Variants in UPP2 observed in about 807,000 individuals in gnomAD.
UPP2 encodes the protein uridine phosphorylase 2, also known as UPase 2.
Under a neutral mutation model 26.7 loss-of-function variants are expected in UPP2, and 23 were observed. That is an observed-to-expected ratio of 0.86 (90% CI 0.62 to 1.22). The LOEUF is 1.22. Ranked by LOEUF, UPP2 falls within the 50% of genes most tolerant of loss-of-function variation. UPP2 has a pLI of 0.00. For missense variants in UPP2, 387 were observed against 396.7 expected (o/e 0.98, Z 0.21); for synonymous variants, 127 against 141.3 (o/e 0.90, Z 0.72).
chr2:158,042,103 C>G (rs1406326479), intron 3 of UPP2, among the ~76,000 whole-genome samples: 2 of 152,168 alleles, frequency 1.3e-5, no homozygotes, highest in East Asian at 1.9e-4. Flanking sequence ...GACCAGGGGC[C>G]AGGTCCAGGA....
chr2:158,097,015 G>T (rs780481758), upstream of UPP2, among the ~76,000 whole-genome samples: 1 of 151,830 alleles, frequency 6.6e-6, no homozygotes, highest in Non-Finnish European at 1.5e-5. Flanking sequence ...TGGTAGAAAA[G>T]AACATGTTAA....
At chr2:158,023,768 T>C (rs538336559) in intron 3 of UPP2, among the ~76,000 whole-genome samples, 92 of 152,134 alleles carry the variant, frequency 6.0e-4, no homozygotes, top group African/African-American at 2.0e-3. Context: ...GCAGCCACTC[T>C]TCTGGTGGCC....
At chr2:158,053,165 G>C (rs1682187296) in intron 3 of UPP2, among the ~76,000 whole-genome samples, 1 of 152,198 alleles carries the variant, frequency 6.6e-6, no homozygotes, top group South Asian at 2.1e-4. Flanking sequence ...TGTCAACTGT[G>C]TGTGGTGAAT....
intron 3 of UPP2, among the ~76,000 whole-genome samples, chr2:158,017,699 G>A (rs1683682310): frequency 6.6e-6 from 1 of 152,214 alleles, no homozygotes; most frequent in Non-Finnish European, 1.5e-5. Flanking sequence ...GTAAGCTGAT[G>A]TGGGCCTGTG....
intron 4 of UPP2, 64 bp from the exon 5 acceptor site, chr2:158,121,345 T>C: frequency 3.5e-6 from 5 of 1,419,636 alleles, no homozygotes; most frequent in South Asian, 3.5e-5. Flanking sequence ...ATAAGTTACA[T>C]ACTATGTGTC....
In UPP2 at chr2:158,015,693, C is replaced by T; in HGVS notation, c.62-108C>T. 3 of 419,554 alleles carry T rather than the reference C, an allele frequency of 7.2e-6. No homozygotes were observed. In the Admixed American group the frequency reaches 7.4e-5, roughly 10 times the overall value. The allele number at this position is 419,554 out of a possible 1,614,324, so 26.0% of individuals were successfully genotyped here. On this transcript the variant is annotated intron_variant, in intron 2 of 9. Transcript: ENST00000605860. ...TGACTGAATCATGGGGCAGACTTCC[C>T]CCTTGCTGTTCTTGTGATAGTGAGC...
intron 3 of UPP2, among the ~76,000 whole-genome samples, chr2:158,048,174 C>T (rs1002072602): frequency 1.3e-5 from 2 of 152,200 alleles, no homozygotes; most frequent in African/African-American, 2.4e-5. Flanking sequence ...CAAGAACTCT[C>T]CTCATGGATT....
At chr2:158,033,749 G>T (rs192393260) in intron 3 of UPP2, among the ~76,000 whole-genome samples, 60 of 152,260 alleles carry the variant, frequency 3.9e-4, no homozygotes, top group Admixed American at 8.5e-4. Flanking sequence ...CCTATCCTCA[G>T]GTTTAAAATG....
At chr2:158,119,722 A>C (rs980159516) in intron 4 of UPP2, among the ~76,000 whole-genome samples, 1 of 152,018 alleles carries the variant, frequency 6.6e-6, no homozygotes, top group Non-Finnish European at 1.5e-5. Context: ...TTGTTTAAAA[A>C]CTATCTGGCC....
At chr2:158,121,261 A>G (rs1181146635) in intron 4 of UPP2, 148 bp from the exon 5 acceptor site, 3 of 727,194 alleles carry the variant, frequency 4.1e-6, no homozygotes, top group African/African-American at 3.5e-5. Flanking sequence ...ATGTTATTTA[A>G]TTGCATTTGG....
chr2:158,135,650 C>G lies in UPP2; in HGVS notation c.*760C>G, dbSNP rs1474542182. ...TTTTTTATTCCATTTCAATATTAAC[C>G]AAATAGGCTGAGAAATTCATAGCAA... On this transcript the variant is annotated 3_prime_UTR_variant, in exon 7 of 7. Transcript: ENST00000005756. 1 of 152,068 alleles carries G rather than the reference C, an allele frequency of 6.6e-6. No homozygotes were observed. The highest frequency in any genetic ancestry group is 1.5e-5 in the Non-Finnish European group (1 of 68,008). 9.4% of individuals were successfully genotyped at this position (152,068 alleles called of 1,614,324 possible).
intron 4 of UPP2, 111 bp downstream of exon 4, chr2:158,118,049 A>T (rs1480599971): frequency 3.7e-5 from 31 of 848,940 alleles, no homozygotes; most frequent in South Asian, 8.3e-5. Flanking sequence ...TGGGCTAAAA[A>T]GTGTCAGAAG....
chr2:158,086,337 A>G (rs1353435158), intron 3 of UPP2, among the ~76,000 whole-genome samples: 1 of 152,056 alleles, frequency 6.6e-6, no homozygotes, highest in African/African-American at 2.4e-5. Flanking sequence ...TGGTTGTAGT[A>G]TCTCCCATTT....
chr2:158,071,989 T>C (rs143940012), intron 3 of UPP2, among the ~76,000 whole-genome samples: 24 of 152,246 alleles, frequency 1.6e-4, no homozygotes, highest in African/African-American at 5.8e-4. Context: ...TAGGTACGTA[T>C]TTGGCTACAG....
chr2:158,020,430 C>T (rs1683731408), intron 3 of UPP2, among the ~76,000 whole-genome samples: 1 of 152,220 alleles, frequency 6.6e-6, no homozygotes, highest in Non-Finnish European at 1.5e-5. Context: ...CTCCATTTCC[C>T]CTCAAGTCCA....
chr2:158,005,765 G>A (rs1320103091), intron 2 of UPP2, among the ~76,000 whole-genome samples: 1 of 152,136 alleles, frequency 6.6e-6, no homozygotes, highest in Non-Finnish European at 1.5e-5. Context: ...GACCAGTGGG[G>A]GCTCTTCCGG....
At chr2:158,044,675 A>G (rs1684126300) in intron 3 of UPP2, among the ~76,000 whole-genome samples, 1 of 152,230 alleles carries the variant, frequency 6.6e-6, no homozygotes, top group Admixed American at 6.5e-5. Flanking sequence ...GTTTTAAGGA[A>G]CAGAAATGCA....
chr2:158,092,548 A>G (rs1682927093), intron 3 of UPP2, among the ~76,000 whole-genome samples: 2 of 152,238 alleles, frequency 1.3e-5, no homozygotes, highest in Non-Finnish European at 2.9e-5. Context: ...CTCAAAGCCC[A>G]TGCTGAAGAA....
chr2:158,087,526 C>A (rs374463387), intron 3 of UPP2, among the ~76,000 whole-genome samples: 1 of 152,166 alleles, frequency 6.6e-6, no homozygotes, highest in South Asian at 2.1e-4. Flanking sequence ...CTATTCATCA[C>A]GCTATTTGTT....
Sources: gnomAD v4.1 joint callset for allele counts (sites outside exome capture counted in the v4.1 genomes callset) on GRCh38, gnomAD v4.1.1 for gene constraint, MANE v1.5 for transcripts, NCBI Gene and HGNC (gene_info 2026-07-23, HGNC 2026-07-21) for gene names.